Variants in VPS13A observed in about 807,000 individuals in gnomAD.
VPS13A encodes the protein vacuolar protein sorting 13 homolog A.
In VPS13A, 264 loss-of-function variants were observed where a neutral mutation model predicts 390.9. The ratio of observed to expected loss-of-function variants is 0.68; its 90% confidence interval spans 0.61 to 0.75. The LOEUF (loss-of-function observed/expected upper bound fraction) is 0.75. VPS13A is among the 30% of genes least tolerant of loss of function. The pLI is 0.00. For missense variants in VPS13A, 3,409 were observed against 3,733.9 expected (o/e 0.91, Z 2.27); for synonymous variants, 1,231 against 1,227.1 (o/e 1.00, Z -0.07).
intron 35 of VPS13A, among the ~76,000 whole-genome samples, chr9:77,313,572 C>T (rs977499919): frequency 6.6e-6 from 1 of 152,034 alleles, no homozygotes; most frequent in Non-Finnish European, 1.5e-5. Flanking sequence ...ATTTTGAATT[C>T]TTCTGATTAG....
rs192652755 is a variant in VPS13A, at chr9:77,225,750, A to G, written c.1162-176A>G. Among the ~76,000 whole-genome samples the G allele has an allele frequency of 2.6e-5, 4 of 152,332 alleles. No homozygotes were observed. In the East Asian group the frequency reaches 5.8e-4, roughly 22 times the overall value. On this transcript the variant is annotated intron_variant, in intron 13 of 71. Transcript: ENST00000360280. ...CTAATTTACTAATTTCCATGCTGAT[A>G]TATGTTCAAGCATTGCTTCCCAGAA... is the stretch of plus-strand genomic sequence containing the variant.
chr9:77,388,494 C>T (rs938157928), intron 68 of VPS13A, among the ~76,000 whole-genome samples: 1 of 151,958 alleles, frequency 6.6e-6, no homozygotes, highest in Non-Finnish European at 1.5e-5. Flanking sequence ...CCATATCAAC[C>T]GATATATAGC....
intron 68 of VPS13A, among the ~76,000 whole-genome samples, chr9:77,394,282 G>A (rs868538115): frequency 2.0e-5 from 3 of 151,110 alleles, no homozygotes; most frequent in African/African-American, 7.3e-5. Flanking sequence ...GCCCAAGCTA[G>A]TCTTGAACTC....
intron 33 of VPS13A, among the ~76,000 whole-genome samples, chr9:77,301,342 GAAAAA>G (rs1308238281): frequency 6.6e-6 from 1 of 151,984 alleles, no homozygotes; most frequent in Non-Finnish European, 1.5e-5. Flanking sequence ...TAGCCTAACT[GAAAAA>G]AAGAAAAGAA....
At chr9:77,284,828 T>C (rs1827240726) in intron 31 of VPS13A, among the ~76,000 whole-genome samples, 1 of 151,922 alleles carries the variant, frequency 6.6e-6, no homozygotes. Flanking sequence ...CTCAGCCTCG[T>C]GAGTGGCTGG....
intron 32 of VPS13A, among the ~76,000 whole-genome samples, chr9:77,294,195 A>G (rs564143622): frequency 6.6e-6 from 1 of 152,270 alleles, no homozygotes; most frequent in South Asian, 2.1e-4. Context: ...CGCTGAGATT[A>G]CAGGCATTAT....
At chr9:77,390,391 A>G (rs1294731906) in intron 68 of VPS13A, among the ~76,000 whole-genome samples, 1 of 152,174 alleles carries the variant, frequency 6.6e-6, no homozygotes, top group East Asian at 1.9e-4. Flanking sequence ...AGACTGTCAC[A>G]TTATTTCCAA....
intron 1 of VPS13A, among the ~76,000 whole-genome samples, chr9:77,184,824 G>A (rs1284039753): frequency 2.0e-5 from 3 of 152,060 alleles, no homozygotes; most frequent in African/African-American, 7.2e-5. Flanking sequence ...ATCTCCAGGG[G>A]TTTAGTTCCA....
At chr9:77,356,642 T>A in intron 54 of VPS13A, 72 bp from the exon 55 acceptor site, 1 of 1,482,468 alleles carries the variant, frequency 6.7e-7, no homozygotes, top group Non-Finnish European at 9.2e-7. Context: ...TTGTAATTCA[T>A]GTAATAAACC....
intron 1 of VPS13A, among the ~76,000 whole-genome samples, chr9:77,184,106 C>T (rs1005366445): frequency 9.2e-5 from 14 of 152,012 alleles, no homozygotes; most frequent in Non-Finnish European, 1.5e-4. Context: ...ATATACAAAT[C>T]TTAAGTGTAC....
chr9:77,275,243 A>T (rs1826581132), intron 24 of VPS13A, among the ~76,000 whole-genome samples: 1 of 152,140 alleles, frequency 6.6e-6, no homozygotes, highest in African/African-American at 2.4e-5. Context: ...TAAGCTAAAG[A>T]TTACATCTTA....
chr9:77,209,199 C>T (rs1825839231), intron 5 of VPS13A, among the ~76,000 whole-genome samples: 1 of 152,094 alleles, frequency 6.6e-6, no homozygotes, highest in South Asian at 2.1e-4. Context: ...AATTTAATGC[C>T]AGTAAATTCT....
chr9:77,207,245 ATATATAT>A lies in VPS13A; in HGVS notation c.385+1167_385+1173del, dbSNP rs1564630442. On this transcript the variant is annotated intron_variant, in intron 5 of 71. Transcript: ENST00000360280. ...TATATATATATATATATATATATAT[ATATATAT>A]AAAACGTGTTATATGTAACATAACA... Among the ~76,000 whole-genome samples the A allele has an allele frequency of 2.4e-4, 27 of 112,866 alleles. 2 individuals carry two copies. Among genetic ancestry groups the A allele is most frequent in the African/African-American group, 4.8e-4 (15 of 31,518 alleles). 74.0% of individuals were successfully genotyped at this position (112,866 alleles called of 152,430 possible).
intron 10 of VPS13A, among the ~76,000 whole-genome samples, chr9:77,217,116 A>T (rs922326019): frequency 3.3e-5 from 5 of 152,120 alleles, no homozygotes; most frequent in African/African-American, 1.2e-4. Flanking sequence ...ATTACATGAG[A>T]TGTTGGAGGT....
chr9:77,409,584 C>T (rs1834810927), intron 71 of VPS13A, among the ~76,000 whole-genome samples: 1 of 151,900 alleles, frequency 6.6e-6, no homozygotes, highest in African/African-American at 2.4e-5. Context: ...CTAGAATCAC[C>T]AATGCAGAGA....
chr9:77,351,826 G>A (rs1459863960), intron 53 of VPS13A, among the ~76,000 whole-genome samples: 1 of 152,070 alleles, frequency 6.6e-6, no homozygotes, highest in Non-Finnish European at 1.5e-5. Context: ...CCAAGATCAC[G>A]CCACTGCACT....
chr9:77,371,820 C>T (rs1225394734), intron 67 of VPS13A, among the ~76,000 whole-genome samples: 1 of 121,736 alleles, frequency 8.2e-6, no homozygotes, highest in African/African-American at 3.0e-5. Context: ...CCCCCTCCCC[C>T]CACCCCACCT....
At position 77,238,073 on chromosome 9, in the gene VPS13A, C is replaced by A. The variant is rs925476003; in HGVS notation, c.1667C>A (p.Ser556Tyr). 9 of 1,613,190 alleles carry A rather than the reference C, an allele frequency of 5.6e-6. No homozygotes were observed. Among genetic ancestry groups the A allele is most frequent in the Non-Finnish European group, 7.6e-6 (9 of 1,179,654 alleles). ...PDNSEKPRLL[S>Y]SLDDAMSLFQ... Reference sequence around the variant, plus strand: ...AATTCAGAAAAACCCCGCCTCCTGTCTTCATTGGATGATGCAATGTCACTT... The same window carrying A: ...AATTCAGAAAAACCCCGCCTCCTGTATTCATTGGATGATGCAATGTCACTT... The change falls in exon 18 of 72, where the codon TCT becomes TAT. Residue 556 changes from serine (S) to tyrosine (Y), a missense_variant. Ser to Tyr is a moderately radical substitution (Grantham distance 144). This residue lies in a region of VPS13A where 2,717 missense variants were observed against 2,917.4 expected (regional missense o/e 0.93). Coordinates refer to ENST00000360280, the MANE Select transcript of VPS13A (RefSeq NM_033305.3).
chr9:77,340,908 C>T (rs1830772221), intron 50 of VPS13A, among the ~76,000 whole-genome samples: 1 of 152,114 alleles, frequency 6.6e-6, no homozygotes, highest in African/African-American at 2.4e-5. Flanking sequence ...GTAGGGTAAG[C>T]CAGACTCTTC....
Sources: allele counts gnomAD v4.1 joint callset (sites outside exome capture counted in the v4.1 genomes callset), GRCh38; gene constraint gnomAD v4.1.1; regional missense constraint gnomAD v4.1.1; transcripts MANE v1.5; gene names NCBI Gene and HGNC (gene_info 2026-07-23, HGNC 2026-07-21).